AFF3: variants seen among roughly 807,000 people sequenced by gnomAD.
AFF3 encodes the protein ALF transcription elongation factor 3, also known as AF4/FMR2 family member 3.
Under a neutral mutation model 129.7 loss-of-function variants are expected in AFF3, and 32 were observed. The ratio of observed to expected loss-of-function variants is 0.25; its 90% CI spans 0.19 to 0.33. AFF3 has a LOEUF of 0.33. AFF3 is among the 10% of genes least tolerant of loss of function. The pLI, the probability that AFF3 is intolerant of heterozygous loss-of-function variation, is 1.00. For missense variants in AFF3, 1,373 were observed against 1,592.0 expected (o/e 0.86, Z 2.34); for synonymous variants, 644 against 635.4 (o/e 1.01, Z -0.20).
intron 13 of AFF3, among the ~76,000 whole-genome samples, chr2:99,640,438 C>T (rs980857991): frequency 6.6e-6 from 1 of 151,992 alleles, no homozygotes; most frequent in Non-Finnish European, 1.5e-5. Context: ...TGTACATAAA[C>T]CTAACAAGGA....
intron 11 of AFF3, among the ~76,000 whole-genome samples, chr2:99,726,000 T>C (rs1313381548): frequency 6.6e-6 from 1 of 152,190 alleles, no homozygotes; most frequent in Non-Finnish European, 1.5e-5. Flanking sequence ...CAGATGGCAT[T>C]AAAAGCCTTT....
chr2:100,094,510 G>C (rs929375801), intron 4 of AFF3, among the ~76,000 whole-genome samples: 2 of 151,964 alleles, frequency 1.3e-5, no homozygotes, highest in Non-Finnish European at 2.9e-5. Flanking sequence ...TTAGCAATGG[G>C]GAGCAGCTGT....
chr2:99,835,408 C>T (rs373925326), intron 8 of AFF3, among the ~76,000 whole-genome samples: 5 of 152,014 alleles, frequency 3.3e-5, no homozygotes, highest in East Asian at 1.9e-4. Context: ...ATACTATGGG[C>T]GGTAACCAAG....
chr2:99,707,714 C>CT (rs1217161899), intron 11 of AFF3: 3 of 741,256 alleles, frequency 4.0e-6, no homozygotes, highest in Non-Finnish European at 4.8e-6. Flanking sequence ...TTTTTTTTTT[C>CT]TTTTTTTGGC....
intron 8 of AFF3, among the ~76,000 whole-genome samples, chr2:99,821,494 G>T (rs1302757773): frequency 3.2e-5 from 4 of 126,800 alleles, no homozygotes; most frequent in Non-Finnish European, 1.8e-5. Context: ...AAGAAAAAAA[G>T]AAAATAAAAA....
At chr2:99,826,080 T>C (rs2105720919) in intron 8 of AFF3, among the ~76,000 whole-genome samples, 1 of 152,336 alleles carries the variant, frequency 6.6e-6, no homozygotes, top group South Asian at 2.1e-4. Flanking sequence ...AGTGGTGTGA[T>C]TTCGGCTTAC....
intron 22 of AFF3, among the ~76,000 whole-genome samples, chr2:99,558,073 A>C (rs17022781): frequency 0.025 from 3,824 of 152,284 alleles, 164 homozygotes; most frequent in African/African-American, 0.087. Flanking sequence ...CATGGTTTGC[A>C]ATTTTATCCC....
chr2:99,721,482 T>C (rs376962906), intron 11 of AFF3, among the ~76,000 whole-genome samples: 14 of 145,672 alleles, frequency 9.6e-5, no homozygotes, highest in African/African-American at 3.3e-4. Context: ...TGAGCTGAGA[T>C]AGCACCACTA....
chr2:99,546,977 C>A lies in AFF3; in HGVS notation c.*4497G>T, dbSNP rs1055722268. On this transcript the variant is annotated 3_prime_UTR_variant, in exon 25 of 25. Transcript: ENST00000672756. ...GTGCATGCATGTGCGCGCGTGTGTG[C>A]GTATGTGTATGTATCAGGAAATAGC... 8 of 220,530 alleles carry A rather than the reference C, an allele frequency of 3.6e-5. No homozygotes were observed. The highest frequency in any genetic ancestry group is 1.9e-4 in the South Asian group (1 of 5,402). 13.7% of individuals were successfully genotyped at this position (220,530 alleles called of 1,614,324 possible).
At chr2:99,874,183 A>C (rs893940132) in intron 7 of AFF3, among the ~76,000 whole-genome samples, 2 of 152,158 alleles carry the variant, frequency 1.3e-5, no homozygotes, top group Non-Finnish European at 2.9e-5. Context: ...TCTCAAAAAA[A>C]ACAAAAAACT....
intron 7 of AFF3, among the ~76,000 whole-genome samples, chr2:99,860,103 T>A (rs904408735): frequency 6.6e-6 from 1 of 152,178 alleles, no homozygotes; most frequent in African/African-American, 2.4e-5. Context: ...TTAAACTTAT[T>A]AACAAATTTT....
chr2:99,630,932 C>A, intron 13 of AFF3: 1 of 397,894 alleles, frequency 2.5e-6, no homozygotes, highest in Non-Finnish European at 5.2e-6. Flanking sequence ...GAAGAAGTGA[C>A]GTAGCAGAGA....
intron 7 of AFF3, among the ~76,000 whole-genome samples, chr2:99,916,081 G>GTTAC (rs1695454750): frequency 6.6e-6 from 1 of 152,174 alleles, no homozygotes; most frequent in African/African-American, 2.4e-5. Flanking sequence ...ACCTTAAGGT[G>GTTAC]TTACTGTAGC....
intron 4 of AFF3, among the ~76,000 whole-genome samples, chr2:100,098,329 G>T (rs973084059): frequency 6.6e-6 from 1 of 151,998 alleles, no homozygotes; most frequent in African/African-American, 2.4e-5. Context: ...TATTAAAATC[G>T]TCTTTTATGG....
intron 7 of AFF3, among the ~76,000 whole-genome samples, chr2:99,945,512 T>C (rs975104827): frequency 3.3e-5 from 5 of 152,170 alleles, no homozygotes; most frequent in African/African-American, 1.2e-4. Flanking sequence ...CCCCTTTTCT[T>C]CTTTTCATGA....
chr2:100,003,986 A>G (rs989725248), intron 7 of AFF3, among the ~76,000 whole-genome samples: 1 of 152,122 alleles, frequency 6.6e-6, no homozygotes, highest in African/African-American at 2.4e-5. Context: ...ACACTAAAAA[A>G]AAAAAAAAAT....
At chr2:99,556,238 G>T (rs1438798537) in intron 22 of AFF3, among the ~76,000 whole-genome samples, 3 of 152,150 alleles carry the variant, frequency 2.0e-5, no homozygotes, top group Non-Finnish European at 4.4e-5. Flanking sequence ...GAAGTCAGGA[G>T]TCTGAGACCA....
chr2:99,761,848 G>A (rs1682625067), intron 8 of AFF3, among the ~76,000 whole-genome samples: 1 of 152,042 alleles, frequency 6.6e-6, no homozygotes, highest in South Asian at 2.1e-4. Context: ...CAGTGACCCC[G>A]GTCCAATTGT....
At chr2:99,883,705 C>T (rs72819137) in intron 7 of AFF3, among the ~76,000 whole-genome samples, 8,835 of 152,202 alleles carry the variant, frequency 0.058, 351 homozygotes, top group Non-Finnish European at 0.085. Context: ...CTCTTCCCTT[C>T]CCAACTGAAA....
Sources: gnomAD v4.1 joint callset for allele counts (sites outside exome capture counted in the v4.1 genomes callset) on GRCh38, gnomAD v4.1.1 for gene constraint, MANE v1.5 for transcripts, NCBI Gene and HGNC (gene_info 2026-07-23, HGNC 2026-07-21) for gene names.